Variants in DLC1 observed in about 807,000 individuals in gnomAD.
DLC1 encodes DLC1 Rho GTPase activating protein.
DLC1 carries 54 observed loss-of-function variants against 140.3 expected under a neutral mutation model. The observed-to-expected ratio is 0.38, with a 90% CI of 0.31 to 0.48. The LOEUF (loss-of-function observed/expected upper bound fraction) is 0.48, where lower values mean the gene tolerates loss of function less well. DLC1 is among the 20% of genes least tolerant of loss of function. The pLI is 0.96. For missense variants in DLC1, 2,536 were observed against 1,907.0 expected (o/e 1.33, Z -6.14); for synonymous variants, 986 against 728.1 (o/e 1.35, Z -5.70).
intron 5 of DLC1, among the ~76,000 whole-genome samples, chr8:13,223,327 A>G (rs1828647246): frequency 6.6e-6 from 1 of 152,234 alleles, no homozygotes. Context: ...TATCTCGTGC[A>G]GCCTCTTCGC....
intron 4 of DLC1, among the ~76,000 whole-genome samples, chr8:13,376,115 G>A (rs966239388): frequency 6.6e-6 from 1 of 152,180 alleles, no homozygotes; most frequent in Non-Finnish European, 1.5e-5. Flanking sequence ...TCCGCTAGCT[G>A]AAGAAAATGG....
intron 5 of DLC1, among the ~76,000 whole-genome samples, chr8:13,132,458 G>C (rs1346396975): frequency 6.6e-6 from 1 of 152,074 alleles, no homozygotes; most frequent in Non-Finnish European, 1.5e-5. Context: ...AGCGCCACTA[G>C]GGTCTAAAAT....
intron 4 of DLC1, among the ~76,000 whole-genome samples, chr8:13,375,028 T>TC (rs1491227304): frequency 1.8e-3 from 6 of 3,308 alleles, no homozygotes; most frequent in Admixed American, 7.4e-3. Flanking sequence ...ATGCTTGTGA[T>TC]TTTTTTTTTT....
chr8:13,528,156 C>T (rs1405145717), intron 1 of DLC1, among the ~76,000 whole-genome samples: 1 of 152,042 alleles, frequency 6.6e-6, no homozygotes, highest in African/African-American at 2.4e-5. Context: ...AAAGCATAAA[C>T]AATGCTTTAT....
At chr8:13,452,434 C>A (rs1799109150) in intron 2 of DLC1, among the ~76,000 whole-genome samples, 1 of 152,024 alleles carries the variant, frequency 6.6e-6, no homozygotes, top group African/African-American at 2.4e-5. Context: ...TACTTTACAT[C>A]AAAATATTCA....
chr8:13,221,219 C>A (rs930670266), intron 5 of DLC1, among the ~76,000 whole-genome samples: 1 of 152,126 alleles, frequency 6.6e-6, no homozygotes, highest in Admixed American at 6.5e-5. Flanking sequence ...GGATGTTAGA[C>A]ACCACTGACC....
intron 1 of DLC1, chr8:13,567,126 G>C: frequency 5.8e-6 from 9 of 1,551,792 alleles, no homozygotes; most frequent in Non-Finnish European, 7.8e-6. Context: ...GAGGACGGCA[G>C]TCCTCGCCCC....
At chr8:13,323,561 T>C (rs1833215357) in intron 4 of DLC1, among the ~76,000 whole-genome samples, 1 of 152,208 alleles carries the variant, frequency 6.6e-6, no homozygotes, top group African/African-American at 2.4e-5. Context: ...TTTATATTTG[T>C]TGAGCTCTCT....
chr8:13,196,364 T>A (rs1827056123), intron 5 of DLC1, among the ~76,000 whole-genome samples: 1 of 152,202 alleles, frequency 6.6e-6, no homozygotes, highest in Non-Finnish European at 1.5e-5. Context: ...GATTGCACAT[T>A]CCTCTCAAAC....
intron 2 of DLC1, among the ~76,000 whole-genome samples, chr8:13,445,782 T>C (rs755549591): frequency 2.6e-5 from 4 of 152,182 alleles, no homozygotes; most frequent in Non-Finnish European, 4.4e-5. Context: ...TTCCAGGTTA[T>C]TAGCTTAAAA....
chr8:13,463,794 C>T (rs371896248), intron 2 of DLC1, among the ~76,000 whole-genome samples: 1 of 152,164 alleles, frequency 6.6e-6, no homozygotes, highest in African/African-American at 2.4e-5. Context: ...GATTATCATC[C>T]TTCCCTAGAG....
intron 12 of DLC1, among the ~76,000 whole-genome samples, chr8:13,093,696 C>T (rs1818275337): frequency 6.6e-6 from 1 of 152,084 alleles, no homozygotes; most frequent in Non-Finnish European, 1.5e-5. Flanking sequence ...GAAAATGTGA[C>T]CTGTGTTTTT....
intron 1 of DLC1, among the ~76,000 whole-genome samples, chr8:13,512,036 G>A (rs2117255859): frequency 6.6e-6 from 1 of 152,156 alleles, no homozygotes; most frequent in South Asian, 2.1e-4. Context: ...AAATTATAAT[G>A]TCCTTATGAA....
chr8:13,595,992 C>A (rs561631910), intron 1 of DLC1, among the ~76,000 whole-genome samples: 1 of 152,074 alleles, frequency 6.6e-6, no homozygotes, highest in East Asian at 1.9e-4. Flanking sequence ...ATGCAGTCCC[C>A]ACAAACATAT....
intron 1 of DLC1, among the ~76,000 whole-genome samples, chr8:13,597,135 C>T (rs915374574): frequency 1.3e-5 from 2 of 151,920 alleles, no homozygotes; most frequent in Admixed American, 6.6e-5. Context: ...ATTACGTTTG[C>T]AGTTTAGGAG....
At chr8:13,602,094 A>T (rs1451758368) in intron 1 of DLC1, among the ~76,000 whole-genome samples, 2 of 151,876 alleles carry the variant, frequency 1.3e-5, no homozygotes, top group Non-Finnish European at 2.9e-5. Context: ...AATCTGAGCA[A>T]TTCTCTAGCC....
intron 2 of DLC1, among the ~76,000 whole-genome samples, chr8:13,458,295 A>T (rs1799505372): frequency 6.6e-6 from 1 of 152,200 alleles, no homozygotes; most frequent in African/African-American, 2.4e-5. Flanking sequence ...TTAGAGTTGG[A>T]AGAAACTTTA....
At chr8:13,294,819 G>A (rs1234699696) in intron 5 of DLC1, among the ~76,000 whole-genome samples, 1 of 152,126 alleles carries the variant, frequency 6.6e-6, no homozygotes, top group Non-Finnish European at 1.5e-5. Flanking sequence ...GTGTGACTTT[G>A]GGTATCTTAG....
intron 5 of DLC1, among the ~76,000 whole-genome samples, chr8:13,128,138 G>A (rs1036265030): frequency 6.6e-6 from 1 of 152,060 alleles, no homozygotes; most frequent in African/African-American, 2.4e-5. Context: ...CTTCACTTTA[G>A]AAGGATGTAA....
Sources: gnomAD v4.1 joint callset for allele counts (sites outside exome capture counted in the v4.1 genomes callset) on GRCh38, gnomAD v4.1.1 for gene constraint, MANE v1.5 for transcripts, NCBI Gene and HGNC (gene_info 2026-07-23, HGNC 2026-07-21) for gene names.